Variants in LRP2 observed in about 807,000 individuals in gnomAD.
LRP2 encodes low-density lipoprotein receptor-related protein 2.
In LRP2, 172 loss-of-function variants were observed where a neutral mutation model predicts 531.0. The ratio of observed to expected loss-of-function variants is 0.32; its 90% CI spans 0.29 to 0.37. LRP2 has a LOEUF of 0.37. LRP2 is among the 10% of genes least tolerant of loss of function. The pLI, the probability that LRP2 is intolerant of heterozygous loss-of-function variation, is 1.00. For synonymous variants in LRP2, 1,992 were observed against 2,027.6 expected, an observed-to-expected ratio of 0.98 and a Z score of 0.47; for missense variants, 5,167 against 5,868.3, an observed-to-expected ratio of 0.88 and a Z score of 3.90.
At chr2:169,143,122 CA>C (rs1218739195) in intron 70 of LRP2, among the ~76,000 whole-genome samples, 3 of 152,148 alleles carry the variant, frequency 2.0e-5, no homozygotes, top group African/African-American at 7.2e-5. Flanking sequence ...CAGTGCTAAA[CA>C]ACTTGAGATG....
At chr2:169,256,624 T>A (rs796851853) in intron 18 of LRP2, among the ~76,000 whole-genome samples, 1 of 152,118 alleles carries the variant, frequency 6.6e-6, no homozygotes, top group African/African-American at 2.4e-5. Flanking sequence ...TTTACTCTAT[T>A]CCTTTTCCTA....
chr2:169,336,606 C>T (rs1685412860), intron 1 of LRP2, among the ~76,000 whole-genome samples: 1 of 151,974 alleles, frequency 6.6e-6, no homozygotes, highest in Admixed American at 6.6e-5. Flanking sequence ...GACCCCACTC[C>T]TATTCTTTTC....
At chr2:169,236,375 A>G (rs1200706037) in intron 28 of LRP2, among the ~76,000 whole-genome samples, 2 of 152,220 alleles carry the variant, frequency 1.3e-5, no homozygotes, top group Non-Finnish European at 2.9e-5. Context: ...ATCCACAAAT[A>G]GTTGATCTAG....
intron 19 of LRP2, among the ~76,000 whole-genome samples, chr2:169,248,267 A>T (rs1259189533): frequency 6.6e-6 from 1 of 152,262 alleles, no homozygotes; most frequent in Non-Finnish European, 1.5e-5. Flanking sequence ...TAAAAGAAAG[A>T]ATTGCATCAA....
chr2:169,215,707 AAATATATATTCTATATTCTAT>A (rs1414795470), intron 35 of LRP2, among the ~76,000 whole-genome samples: 3 of 145,340 alleles, frequency 2.1e-5, no homozygotes, highest in Non-Finnish European at 4.5e-5. Flanking sequence ...TGTATTCTAT[AAATATATATTCTATATTCTAT>A]AATATATATT....
rs1684372266 is a variant in LRP2, at chr2:169,304,828, T to C, written c.427+2453A>G. On this transcript the variant is annotated intron_variant, in intron 4 of 78. Coordinates refer to ENST00000649046, the MANE Select transcript of LRP2 (RefSeq NM_004525.3). Reference sequence around the variant, plus strand: ...TGGAACCAACCCAAATGCCTATCAATGATAGACTGGATAAAGAAAATGTAG... The same window carrying C: ...TGGAACCAACCCAAATGCCTATCAACGATAGACTGGATAAAGAAAATGTAG... Among the ~76,000 whole-genome samples, 5 of 152,148 alleles carry C rather than the reference T, an allele frequency of 3.3e-5. No homozygotes were observed. The South Asian group carries it at 1.0e-3, about 32-fold the overall frequency.
chr2:169,272,963 C>T lies in LRP2; in HGVS notation c.2080G>A (p.Gly694Ser), dbSNP rs368997664. 6.2e-6 allele frequency: 10 copies of T among 1,613,562 alleles called. No homozygotes were observed. The highest frequency in any genetic ancestry group is 5.0e-5 in the Admixed American group (3 of 59,956). ...GLGFRCKCTF[G>S]FQLDTDERHC... ...CGCTCATCTGTATCCAGTTGGAAGC[C>T]GAATGTGCACTTGCAACGGAAACCC... is the stretch of plus-strand genomic sequence containing the variant. Residue 694 changes from glycine (G) to serine (S), a missense_variant, in exon 15 of 79, where the codon GGC becomes AGC. By Grantham distance (56) the Gly-to-Ser change is moderately conservative (BLOSUM62 0). Transcript: ENST00000649046.
rs770775762 is a variant in LRP2, at chr2:169,209,479, C to T, written c.6443G>A (p.Arg2148Gln). Reference sequence around the variant, plus strand: ...TGCTACCCAATCCACTGCAATACCCCGGACTCCATTTTCTCCTATTCCATG... The same window carrying T: ...TGCTACCCAATCCACTGCAATACCCTGGACTCCATTTTCTCCTATTCCATG... ...VTHGIGENGVRGIAVDWVAGN... is the reference protein window; with the variant it reads ...VTHGIGENGVQGIAVDWVAGN... The change falls in exon 38 of 79, where the codon CGG becomes CAG. Residue 2148 changes from arginine (R) to glutamine (Q), a missense_variant. By Grantham distance (43) the Arg-to-Gln change is conservative. Coordinates refer to ENST00000649046, the MANE Select transcript of LRP2 (RefSeq NM_004525.3). 1.1e-5 allele frequency: 18 copies of T among 1,613,964 alleles called. No homozygotes were observed. In the South Asian group the frequency reaches 1.2e-4, roughly 11 times the overall value.
At chr2:169,310,537 C>T (rs1390377602) in intron 3 of LRP2, among the ~76,000 whole-genome samples, 1 of 152,178 alleles carries the variant, frequency 6.6e-6, no homozygotes, top group African/African-American at 2.4e-5. Flanking sequence ...AGCCTTGCAT[C>T]CCAGGGATGA....
At position 169,247,416 on chromosome 2, in the gene LRP2, A is replaced by G. The variant is rs1453163740; in HGVS notation, c.2870T>C (p.Ile957Thr). Residue 957 changes from isoleucine to threonine, a missense_variant, in exon 20 of 79, where the codon ATA becomes ACA. This residue lies in a region of LRP2 where 2,811 missense variants were observed against 3,058.0 expected (regional missense o/e 0.92). Transcript: ENST00000649046. ...GACATCATACGATTTCAAATGCAGT[A>G]TGTAAGCAATGCCACTTCGGATAAC... is the stretch of plus-strand genomic sequence containing the variant. ...MTVIRSGIAY[I>T]LHLKSYDVNI... 2.5e-6 allele frequency: 4 copies of G among 1,614,074 alleles called. No homozygotes were observed. The highest frequency in any genetic ancestry group is 3.4e-6 in the Non-Finnish European group (4 of 1,180,026).
intron 62 of LRP2, 124 bp downstream of exon 62, chr2:169,165,808 A>C: frequency 8.7e-7 from 1 of 1,147,188 alleles, no homozygotes; most frequent in Non-Finnish European, 1.3e-6. Context: ...CAATTATGTC[A>C]GCAGAGATCT....
chr2:169,136,502 G>C (rs1354437411), intron 76 of LRP2, among the ~76,000 whole-genome samples: 1 of 152,088 alleles, frequency 6.6e-6, no homozygotes, highest in Non-Finnish European at 1.5e-5. Context: ...AAAATGGCCT[G>C]TTCCTGCCTT....
intron 71 of LRP2, among the ~76,000 whole-genome samples, chr2:169,141,076 C>G (rs1337313477): frequency 1.3e-5 from 2 of 152,200 alleles, no homozygotes; most frequent in Non-Finnish European, 2.9e-5. Context: ...TACTCCAAGT[C>G]CCTGCTCCCA....
intron 12 of LRP2, 31 bp downstream of exon 12, chr2:169,279,341 A>G (rs755921667): frequency 6.6e-7 from 1 of 1,512,164 alleles, no homozygotes; most frequent in Admixed American, 1.7e-5. Context: ...TTCTAAAAAT[A>G]CAGGAATCAA....
chr2:169,144,408 C>G (rs1398263212), intron 70 of LRP2, among the ~76,000 whole-genome samples: 1 of 112,510 alleles, frequency 8.9e-6, no homozygotes, highest in Non-Finnish European at 1.9e-5. Flanking sequence ...TCCACCAGCA[C>G]TTTCCAAAGG....
chr2:169,183,836 T>A (rs1408255031), intron 50 of LRP2, among the ~76,000 whole-genome samples: 1 of 152,148 alleles, frequency 6.6e-6, no homozygotes. Flanking sequence ...GCAGAAATAT[T>A]TATTAATATT....
At chr2:169,336,932 G>A (rs373765087) in intron 1 of LRP2, among the ~76,000 whole-genome samples, 21 of 152,162 alleles carry the variant, frequency 1.4e-4, no homozygotes, top group African/African-American at 4.8e-4. Flanking sequence ...CACAAAGTTT[G>A]GTGGGTAAGG....
In LRP2 at chr2:169,196,916, G is replaced by C; in HGVS notation, c.8693C>G (p.Ser2898Cys). ...ATGCTTGCTTACTCTCTTACCACAAGAGGCAGGTTCATCAGAGGCATCAAA... is the reference window on the plus strand; with the variant it reads ...ATGCTTGCTTACTCTCTTACCACAACAGGCAGGTTCATCAGAGGCATCAAA... ...DCFDASDEPA[S>C]CGHSERTCLA... Residue 2898 changes from serine (S) to cysteine (C), a missense_variant, in exon 46 of 79, where the codon TCT becomes TGT. Physicochemically the swap from Ser to Cys is moderately radical, Grantham distance 112 (BLOSUM62 -1). This residue lies in a region of LRP2 where 1,129 missense variants were observed against 1,362.7 expected (regional missense o/e 0.83). Transcript: ENST00000649046. 6.2e-7 allele frequency: 1 copy of C among 1,614,124 alleles called. No individual in the cohort carries two copies. The highest frequency in any genetic ancestry group is 8.5e-7 in the Non-Finnish European group (1 of 1,180,020).
At chr2:169,325,382 C>T (rs1685021670) in intron 1 of LRP2, among the ~76,000 whole-genome samples, 1 of 152,150 alleles carries the variant, frequency 6.6e-6, no homozygotes, top group Non-Finnish European at 1.5e-5. Flanking sequence ...CTCAAAGAAA[C>T]AAACAAATTT....
Sources: gnomAD v4.1 joint callset for allele counts (sites outside exome capture counted in the v4.1 genomes callset) on GRCh38, gnomAD v4.1.1 for gene constraint, gnomAD v4.1.1 regional missense constraint, MANE v1.5 for transcripts, NCBI Gene and HGNC (gene_info 2026-07-23, HGNC 2026-07-21) for gene names.